Variants in SCN10A observed in about 807,000 individuals in gnomAD.
SCN10A encodes sodium voltage-gated channel alpha subunit 10.
SCN10A carries 162 observed loss-of-function variants against 170.7 expected under a neutral mutation model. That is an observed-to-expected ratio of 0.95 (90% CI 0.84 to 1.08). SCN10A has a LOEUF of 1.08. SCN10A is among the 50% of genes least tolerant of loss of function. SCN10A has a pLI of 0.00. For synonymous variants in SCN10A, 985 were observed against 904.6 expected, an observed-to-expected ratio of 1.09 and a Z score of -1.59; for missense variants, 2,527 against 2,436.9, an observed-to-expected ratio of 1.04 and a Z score of -0.78.
At chr3:38,699,477 G>T (rs143101885) in intron 27 of SCN10A, among the ~76,000 whole-genome samples, 23 of 152,308 alleles carry the variant, frequency 1.5e-4, no homozygotes, top group Non-Finnish European at 2.5e-4. Context: ...AGGAAAAATG[G>T]TGAGGGATGT....
intron 4 of SCN10A, among the ~76,000 whole-genome samples, chr3:38,776,218 A>G (rs565450907): frequency 1.3e-5 from 2 of 152,030 alleles, no homozygotes; most frequent in Non-Finnish European, 2.9e-5. Flanking sequence ...GTTTTGGGAG[A>G]TTATCCACAT....
intron 21 of SCN10A, 74 bp downstream of exon 21, chr3:38,718,579 T>C (rs531476633): frequency 6.6e-7 from 1 of 1,508,638 alleles, no homozygotes; most frequent in Non-Finnish European, 9.1e-7. Context: ...TCTCTGAGCT[T>C]CCTTTGCCCT....
At chr3:38,739,172 G>A (rs2063602465) in intron 15 of SCN10A, among the ~76,000 whole-genome samples, 1 of 152,110 alleles carries the variant, frequency 6.6e-6, no homozygotes, top group Admixed American at 6.5e-5. Context: ...TTTTTCAAGT[G>A]TCCAGTGCTA....
intron 8 of SCN10A, among the ~76,000 whole-genome samples, chr3:38,760,300 G>T (rs1559449460): frequency 1.3e-5 from 2 of 152,198 alleles, no homozygotes; most frequent in Non-Finnish European, 2.9e-5. Context: ...TAACCTGTTT[G>T]GGGGTGAGAG....
At chr3:38,786,882 A>G (rs951528928) in intron 4 of SCN10A, among the ~76,000 whole-genome samples, 3 of 152,160 alleles carry the variant, frequency 2.0e-5, no homozygotes, top group Non-Finnish European at 2.9e-5. Context: ...ATTCTGACCA[A>G]TCTTACACCA....
chr3:38,781,077 A>C lies in SCN10A; in HGVS notation c.470+7879T>G, dbSNP rs563828707. 9.2e-5 allele frequency among the ~76,000 whole-genome samples: 14 copies of C among 152,240 alleles called. No individual in the cohort carries two copies. In the East Asian group the frequency reaches 2.7e-3, roughly 29 times the overall value. ...AATGGGTGCCTCATAAGCTAAGGAA[A>C]AATGTTTAAAAAATCGTCATTTTGA... On this transcript the variant is annotated intron_variant, in intron 4 of 27. Coordinates refer to ENST00000449082, the MANE Select transcript of SCN10A (RefSeq NM_006514.4).
rs772869110 is a variant in SCN10A, at chr3:38,697,584, A to G, written c.5636T>C (p.Val1879Ala). The G allele has an allele frequency of 1.9e-6, 3 of 1,614,184 alleles. No individual in the cohort carries two copies. In the East Asian group the frequency reaches 6.7e-5, roughly 36 times the overall value. The change falls in exon 28 of 28, where the codon GTG (valine) becomes GCG (alanine). Residue 1879 changes from valine to alanine, a missense_variant. Physicochemically the swap from Val to Ala is moderately conservative, Grantham distance 64 (BLOSUM62 0). Coordinates refer to ENST00000449082, the MANE Select transcript of SCN10A (RefSeq NM_006514.4). ...RSMALSNTPC[V>A]PRAEEEAASL... ...TGCAGCCTCCTCCTCAGCTCTGGGC[A>G]CACATGGGGTGTTAGAGAGTGCCAT...
intron 15 of SCN10A, among the ~76,000 whole-genome samples, chr3:38,732,342 A>G (rs983547285): frequency 2.0e-5 from 3 of 152,224 alleles, no homozygotes; most frequent in Admixed American, 2.0e-4. Flanking sequence ...CATGTTCACC[A>G]TAAAGGTCAC....
intron 5 of SCN10A, among the ~76,000 whole-genome samples, chr3:38,764,316 A>C (rs2126035001): frequency 6.6e-6 from 1 of 152,216 alleles, no homozygotes; most frequent in South Asian, 2.1e-4. Context: ...GTGCACCATC[A>C]CCCGAGCAGT....
At chr3:38,720,650 T>C (rs551407725) in intron 20 of SCN10A, among the ~76,000 whole-genome samples, 6 of 151,106 alleles carry the variant, frequency 4.0e-5, no homozygotes, top group Non-Finnish European at 7.4e-5. Context: ...GGGGGCGGGC[T>C]GGGCTGGCGC....
intron 18 of SCN10A, among the ~76,000 whole-genome samples, chr3:38,723,892 T>C (rs964066808): frequency 1.3e-5 from 2 of 152,246 alleles, no homozygotes; most frequent in African/African-American, 4.8e-5. Flanking sequence ...ATGAATTCAA[T>C]TAGGGGTTGA....
chr3:38,788,128 TAAG>T (rs1298111897), intron 4 of SCN10A, among the ~76,000 whole-genome samples: 1 of 148,612 alleles, frequency 6.7e-6, no homozygotes, highest in African/African-American at 2.5e-5. Context: ...TAGCATCAAT[TAAG>T]AAGACTATGT....
chr3:38,793,174 G>A (rs1559468676), intron 2 of SCN10A, among the ~76,000 whole-genome samples: 1 of 152,072 alleles, frequency 6.6e-6, no homozygotes, highest in Non-Finnish European at 1.5e-5. Flanking sequence ...AGCTTTTAGA[G>A]TGATGACATC....
intron 15 of SCN10A, among the ~76,000 whole-genome samples, chr3:38,736,145 G>T (rs2063558067): frequency 6.6e-6 from 1 of 152,200 alleles, no homozygotes; most frequent in Non-Finnish European, 1.5e-5. Context: ...CCAAAGCCAA[G>T]AAGTTCTCTG....
chr3:38,742,838 C>T (rs2063648544), intron 13 of SCN10A, among the ~76,000 whole-genome samples: 1 of 152,322 alleles, frequency 6.6e-6, no homozygotes, highest in Non-Finnish European at 1.5e-5. Flanking sequence ...TCTCTAACTA[C>T]TCCCTTGTAG....
chr3:38,710,527 C>A (rs561426585), intron 24 of SCN10A, among the ~76,000 whole-genome samples: 2 of 152,248 alleles, frequency 1.3e-5, no homozygotes, highest in East Asian at 3.9e-4. Flanking sequence ...TAGCTACTAC[C>A]CTTGCTTTGC....
In SCN10A at chr3:38,697,615, G is replaced by T; in HGVS notation, c.5605C>A (p.Arg1869Ser). The T allele has an allele frequency of 6.2e-7, 1 of 1,614,112 alleles. No homozygotes were observed. Among genetic ancestry groups the T allele is most frequent in the Non-Finnish European group, 8.5e-7 (1 of 1,180,004 alleles). The change falls in exon 28 of 28, where the codon CGC (arginine) becomes AGC (serine). Residue 1869 changes from arginine to serine, a missense_variant. Arg to Ser is a moderately radical substitution (Grantham distance 110). Transcript: ENST00000449082. ...GGGGTGTTAGAGAGTGCCATGGAGC[G>T]GTGCAGCACATAGCTCCGATAGGCC... ...QKAYRSYVLH[R>S]SMALSNTPCV...
intron 13 of SCN10A, among the ~76,000 whole-genome samples, chr3:38,745,626 C>T (rs573294722): frequency 3.3e-5 from 5 of 152,148 alleles, no homozygotes; most frequent in Admixed American, 2.6e-4. Context: ...ACCTCTCACC[C>T]GCTCTTTAAG....
At chr3:38,736,608 G>A (rs1463977714) in intron 15 of SCN10A, among the ~76,000 whole-genome samples, 2 of 152,056 alleles carry the variant, frequency 1.3e-5, no homozygotes, top group East Asian at 3.9e-4. Context: ...GTGAGGTTTT[G>A]GCAAACACAA....
Sources: allele counts gnomAD v4.1 joint callset (sites outside exome capture counted in the v4.1 genomes callset), GRCh38; gene constraint gnomAD v4.1.1; transcripts MANE v1.5; gene names NCBI Gene and HGNC (gene_info 2026-07-23, HGNC 2026-07-21).